ROBO1: variants seen among roughly 807,000 people sequenced by gnomAD.
ROBO1 encodes roundabout homolog 1.
Under a neutral mutation model 195.9 loss-of-function variants are expected in ROBO1, and 149 were observed. That is an observed-to-expected ratio of 0.76 (90% CI 0.67 to 0.87). The LOEUF is 0.87. Ranked by LOEUF, ROBO1 falls within the 40% of genes least tolerant of loss-of-function variation. ROBO1 has a pLI of 0.00. For missense variants in ROBO1, 1,933 were observed against 2,068.3 expected (o/e 0.93, Z 1.27); for synonymous variants, 816 against 733.2 (o/e 1.11, Z -1.82).
chr3:79,585,977 A>AC (rs61139655), intron 2 of ROBO1, among the ~76,000 whole-genome samples: 54,017 of 151,696 alleles, frequency 0.36, 9,770 homozygotes, highest in African/African-American at 0.43. Context: ...TTGGAAAAAA[A>AC]ATACCTGTGG....
Position 78,688,647 on chromosome 3 carries a change from C to G in ROBO1, c.1170+1G>C. 3.8e-6 allele frequency: 6 copies of G among 1,588,514 alleles called. No homozygotes were observed. The highest frequency in any genetic ancestry group is 5.1e-6 in the Non-Finnish European group (6 of 1,168,852). On this transcript the variant is annotated splice_donor_variant, in intron 9 of 30. Transcript: ENST00000464233. LOFTEE classifies it high-confidence loss of function. ...AAAAAAAAGTTAGAAAAAGGTGGTA[C>G]CTGACTCCCTTCTCTCCTCCAGAAA...
intron 1 of ROBO1, among the ~76,000 whole-genome samples, chr3:79,607,719 C>T (rs181379881): frequency 7.3e-5 from 11 of 151,608 alleles, no homozygotes; most frequent in East Asian, 2.0e-4. Flanking sequence ...ACAGTAATTA[C>T]GAAGCTGAAA....
chr3:79,472,572 G>T (rs2107327262), intron 2 of ROBO1, among the ~76,000 whole-genome samples: 1 of 152,194 alleles, frequency 6.6e-6, no homozygotes, highest in South Asian at 2.1e-4. Context: ...CAAACTTTAG[G>T]AATTGGTGAG....
intron 3 of ROBO1, among the ~76,000 whole-genome samples, chr3:79,050,188 G>A (rs1443361199): frequency 2.6e-5 from 4 of 152,054 alleles, no homozygotes; most frequent in Admixed American, 1.3e-4. Context: ...CAAAATAAAG[G>A]GATGGAGGAA....
intron 2 of ROBO1, among the ~76,000 whole-genome samples, chr3:79,378,745 G>A (rs1331538231): frequency 6.6e-6 from 1 of 152,150 alleles, no homozygotes; most frequent in Non-Finnish European, 1.5e-5. Flanking sequence ...CAGAAGAGAA[G>A]TAAACTTTTC....
At chr3:79,145,904 T>G (rs1268796446) in intron 2 of ROBO1, among the ~76,000 whole-genome samples, 1 of 152,024 alleles carries the variant, frequency 6.6e-6, no homozygotes, top group Non-Finnish European at 1.5e-5. Context: ...ATAAAGCTAT[T>G]GGATAATTCT....
At chr3:79,200,192 A>T (rs2081736032) in intron 2 of ROBO1, among the ~76,000 whole-genome samples, 1 of 151,766 alleles carries the variant, frequency 6.6e-6, no homozygotes, top group Admixed American at 6.6e-5. Context: ...ATTTAAATTC[A>T]AATTTAACGC....
chr3:79,047,402 G>T (rs1022231560), intron 3 of ROBO1, among the ~76,000 whole-genome samples: 1 of 152,042 alleles, frequency 6.6e-6, no homozygotes, highest in Non-Finnish European at 1.5e-5. Flanking sequence ...TTTTGAAAAT[G>T]CTCAGCTTCT....
chr3:78,941,565 G>A (rs925312536), intron 3 of ROBO1, among the ~76,000 whole-genome samples: 2 of 152,094 alleles, frequency 1.3e-5, no homozygotes, highest in African/African-American at 2.4e-5. Flanking sequence ...AGGCTGTTAT[G>A]AGGATACAAA....
chr3:79,261,977 T>C (rs2082946204), intron 2 of ROBO1, among the ~76,000 whole-genome samples: 1 of 152,044 alleles, frequency 6.6e-6, no homozygotes, highest in Non-Finnish European at 1.5e-5. Context: ...ATTTATACTT[T>C]ATCTGAGGGA....
At chr3:79,582,862 G>T (rs1943702602) in intron 2 of ROBO1, among the ~76,000 whole-genome samples, 1 of 151,892 alleles carries the variant, frequency 6.6e-6, no homozygotes, top group African/African-American at 2.4e-5. Context: ...ATGAGCCTGG[G>T]ATTCTCTTTC....
intron 1 of ROBO1, among the ~76,000 whole-genome samples, chr3:79,699,841 T>C (rs1947561655): frequency 6.6e-6 from 1 of 151,626 alleles, no homozygotes; most frequent in South Asian, 2.1e-4. Flanking sequence ...AAATATAATT[T>C]TAGTTGTTAT....
intron 2 of ROBO1, among the ~76,000 whole-genome samples, chr3:79,163,500 T>C (rs1480838562): frequency 6.6e-6 from 1 of 152,134 alleles, no homozygotes; most frequent in East Asian, 1.9e-4. Flanking sequence ...GGTGTATAAA[T>C]ATCTCTTTGA....
chr3:78,636,986 A>AAAT (rs1705557473), intron 22 of ROBO1, among the ~76,000 whole-genome samples: 1 of 129,744 alleles, frequency 7.7e-6, no homozygotes, highest in African/African-American at 2.8e-5. Flanking sequence ...CTGCAGTTGA[A>AAAT]AATATTAAAA....
At chr3:79,355,721 C>T (rs1032656612) in intron 2 of ROBO1, among the ~76,000 whole-genome samples, 4 of 152,088 alleles carry the variant, frequency 2.6e-5, no homozygotes, top group South Asian at 2.1e-4. Context: ...TCATCCATGT[C>T]GCTGCAAATT....
chr3:79,508,874 A>G (rs1213689434), intron 2 of ROBO1, among the ~76,000 whole-genome samples: 1 of 152,214 alleles, frequency 6.6e-6, no homozygotes, highest in Non-Finnish European at 1.5e-5. Context: ...TTATTGGCAT[A>G]TAATTGTTTA....
intron 4 of ROBO1, among the ~76,000 whole-genome samples, chr3:78,788,876 A>C (rs1391268320): frequency 2.0e-5 from 3 of 152,188 alleles, no homozygotes; most frequent in African/African-American, 4.8e-5. Flanking sequence ...TAATTTTTAA[A>C]ATACATCTTA....
At chr3:78,806,083 C>T (rs551346495) in intron 4 of ROBO1, among the ~76,000 whole-genome samples, 8 of 151,438 alleles carry the variant, frequency 5.3e-5, no homozygotes, top group South Asian at 4.1e-4. Context: ...CCTAGGCCTC[C>T]GAAGTAGCTA....
At chr3:79,544,436 G>A (rs1942188168) in intron 2 of ROBO1, among the ~76,000 whole-genome samples, 1 of 151,738 alleles carries the variant, frequency 6.6e-6, no homozygotes, top group Admixed American at 6.6e-5. Flanking sequence ...AAACTTTCAT[G>A]TATATTAAAT....
Sources: allele counts gnomAD v4.1 joint callset (sites outside exome capture counted in the v4.1 genomes callset), GRCh38; gene constraint gnomAD v4.1.1; transcripts MANE v1.5; gene names NCBI Gene and HGNC (gene_info 2026-07-23, HGNC 2026-07-21).